The following CC2D2A variants were observed in gnomAD, a reference collection of about 807,000 sequenced individuals.
CC2D2A encodes coiled-coil and C2 domain containing 2A.
CC2D2A carries 155 observed loss-of-function variants against 212.9 expected under a neutral mutation model. The ratio of observed to expected loss-of-function variants is 0.73; its 90% CI spans 0.64 to 0.83. The LOEUF (loss-of-function observed/expected upper bound fraction) is 0.83. CC2D2A is among the 40% of genes least tolerant of loss of function. The probability of loss-of-function intolerance (pLI) is 0.00; values close to 1 mark genes in which losing one functional copy is unlikely to be tolerated. For synonymous variants in CC2D2A, 667 were observed against 686.5 expected, an observed-to-expected ratio of 0.97 and a Z score of 0.44; for missense variants, 1,856 against 1,956.2, an observed-to-expected ratio of 0.95 and a Z score of 0.97.
At chr4:15,471,242 A>G (rs576072634) in intron 1 of CC2D2A, among the ~76,000 whole-genome samples, 1 of 152,330 alleles carries the variant, frequency 6.6e-6, no homozygotes, top group East Asian at 1.9e-4. Flanking sequence ...GGTGTGAGGA[A>G]GAAAATACTC....
chr4:15,570,770 C>G (rs565214616), intron 28 of CC2D2A, among the ~76,000 whole-genome samples: 3 of 150,914 alleles, frequency 2.0e-5, no homozygotes, highest in Non-Finnish European at 4.4e-5. Flanking sequence ...GCAGGAGAAT[C>G]GCTTGAACCA....
At chr4:15,579,037 A>G (rs1720535944) in intron 29 of CC2D2A, among the ~76,000 whole-genome samples, 1 of 152,202 alleles carries the variant, frequency 6.6e-6, no homozygotes, top group South Asian at 2.1e-4. Flanking sequence ...AAAAAATTTA[A>G]AAATATTTAA....
chr4:15,529,435 A>G (rs1310075752), intron 13 of CC2D2A, among the ~76,000 whole-genome samples: 2 of 152,122 alleles, frequency 1.3e-5, no homozygotes, highest in Non-Finnish European at 2.9e-5. Context: ...TAGCAGAGTA[A>G]ACCCATCTTG....
chr4:15,527,995 G>A (rs1717603741), intron 12 of CC2D2A, among the ~76,000 whole-genome samples: 1 of 152,182 alleles, frequency 6.6e-6, no homozygotes, highest in African/African-American at 2.4e-5. Flanking sequence ...GAGAATATCT[G>A]TCCTTAGAAA....
At chr4:15,489,168 G>A (rs148089767) in intron 4 of CC2D2A, among the ~76,000 whole-genome samples, 1 of 152,324 alleles carries the variant, frequency 6.6e-6, no homozygotes, top group Non-Finnish European at 1.5e-5. Context: ...GGAAAAGAAA[G>A]TTCAGAATCG....
At chr4:15,519,624 A>C (rs1020054086) in intron 11 of CC2D2A, 6 of 432,280 alleles carry the variant, frequency 1.4e-5, no homozygotes, top group Non-Finnish European at 2.8e-5. Context: ...ACAGTTCCAC[A>C]TGGCTGGGGA....
intron 17 of CC2D2A, 98 bp from the exon 18 acceptor site, chr4:15,550,726 A>C (rs1718952446): frequency 2.3e-6 from 2 of 851,828 alleles, no homozygotes; most frequent in Non-Finnish European, 3.4e-6. Context: ...GGGCTGGAAC[A>C]GTGACCAGCA....
chr4:15,569,413 ACACTTG>A (rs771545327), intron 27 of CC2D2A, 24 bp downstream of exon 27: 9 of 1,345,170 alleles, frequency 6.7e-6, no homozygotes, highest in Admixed American at 2.0e-5. Flanking sequence ...TTTAAGAAAG[ACACTTG>A]TATTCACTTT....
chr4:15,555,981 AT>A (rs914289793), intron 20 of CC2D2A, among the ~76,000 whole-genome samples: 2 of 152,200 alleles, frequency 1.3e-5, no homozygotes, highest in African/African-American at 4.8e-5. Context: ...CTGATGGGGC[AT>A]TTTAGGGAAA....
intron 11 of CC2D2A, among the ~76,000 whole-genome samples, chr4:15,525,812 G>A (rs1338072563): frequency 6.6e-6 from 1 of 152,162 alleles, no homozygotes; most frequent in African/African-American, 2.4e-5. Context: ...GTGGTCTTTT[G>A]GGCAGTCTAG....
intron 33 of CC2D2A, among the ~76,000 whole-genome samples, chr4:15,592,897 C>T (rs1290222182): frequency 2.0e-5 from 3 of 152,290 alleles, no homozygotes; most frequent in East Asian, 3.9e-4. Flanking sequence ...CTTCCTATTT[C>T]TATCAATATC....
Position 15,570,411 on chromosome 4 carries a change from G to A in CC2D2A, c.3509G>A (p.Arg1170Lys), listed in dbSNP as rs61734948. ...LHDVLEDDRE[R>K]GSGIHTRIER... The stretch of plus-strand genomic sequence containing the variant: ...CCCTTCCTTTAGGATGACCGTGAAA[G>A]AGGAAGTGGAATCCATACTCGTATT... The change falls in exon 28 of 37, where the codon AGA becomes AAA. Residue 1170 changes from arginine to lysine, a missense_variant. Arg to Lys is a conservative substitution (Grantham distance 26, BLOSUM62 2). Around this residue, in one of 5 missense-constraint regions of CC2D2A, gnomAD observed 1,512 missense variants for 1,579.3 expected, o/e 0.96. Coordinates refer to ENST00000424120, the MANE Select transcript of CC2D2A (RefSeq NM_001378615.1). 1.2e-3 allele frequency: 1,852 copies of A among 1,599,478 alleles called. 25 individuals are homozygous for A. The African/African-American group carries it at 0.022, about 19-fold the overall frequency.
In CC2D2A at chr4:15,488,430, C is replaced by T. The variant is rs1577318608; in HGVS notation, c.247+7603C>T. Among the ~76,000 whole-genome samples the T allele has an allele frequency of 4.6e-5, 7 of 152,312 alleles. No homozygotes were observed. The South Asian group carries it at 1.4e-3, about 32-fold the overall frequency. On this transcript the variant is annotated intron_variant, in intron 4 of 36. Coordinates refer to ENST00000424120, the MANE Select transcript of CC2D2A (RefSeq NM_001378615.1). ...ACCTATAAGGTTTCCACTGAGAAGT[C>T]TGCTGCCAGATGAATCAGAGCTACT...
intron 32 of CC2D2A, among the ~76,000 whole-genome samples, chr4:15,588,579 A>C (rs1417409611): frequency 6.6e-6 from 1 of 152,226 alleles, no homozygotes; most frequent in Non-Finnish European, 1.5e-5. Flanking sequence ...GGCTCTAGGA[A>C]TCCTTGGAAA....
At chr4:15,555,417 G>T (rs914541571) in intron 20 of CC2D2A, among the ~76,000 whole-genome samples, 6 of 152,110 alleles carry the variant, frequency 3.9e-5, no homozygotes, top group African/African-American at 4.8e-5. Flanking sequence ...TCATAGCGGG[G>T]TCATGAGGAA....
At chr4:15,574,891 C>G (rs1253613134) in intron 29 of CC2D2A, among the ~76,000 whole-genome samples, 2 of 152,196 alleles carry the variant, frequency 1.3e-5, no homozygotes, top group Non-Finnish European at 2.9e-5. Context: ...AGCAACTGTC[C>G]CTGAACCTTC....
chr4:15,558,647 G>A (rs1253984381), intron 21 of CC2D2A, among the ~76,000 whole-genome samples: 1 of 152,010 alleles, frequency 6.6e-6, no homozygotes, highest in Non-Finnish European at 1.5e-5. Flanking sequence ...GCATTCAACT[G>A]TGACCAAAGA....
At chr4:15,559,127 G>C (rs35309200) in intron 21 of CC2D2A, 38 bp from the exon 22 acceptor site, 1 of 1,191,658 alleles carries the variant, frequency 8.4e-7, no homozygotes, top group Non-Finnish European at 1.2e-6. Flanking sequence ...AAAAGCACCA[G>C]AGAGTGCTTT....
rs751961448 is a variant in CC2D2A, at chr4:15,583,811, C to T, written c.3976-2346C>T. Among the ~76,000 whole-genome samples the T allele has an allele frequency of 4.6e-5, 7 of 151,976 alleles. No individual in the cohort carries two copies. In the South Asian group the frequency reaches 8.3e-4, roughly 18 times the overall value. On this transcript the variant is annotated intron_variant, in intron 30 of 36. Coordinates refer to ENST00000424120, the MANE Select transcript of CC2D2A (RefSeq NM_001378615.1). ...AAAAATACAAAAAAAGTTAGCCGGG[C>T]GTGGTGGCGGGCACCTGTAGTCCCA... is the stretch of plus-strand genomic sequence containing the variant.
Sources: allele counts gnomAD v4.1 joint callset (sites outside exome capture counted in the v4.1 genomes callset), GRCh38; gene constraint gnomAD v4.1.1; regional missense constraint gnomAD v4.1.1; transcripts MANE v1.5; gene names NCBI Gene and HGNC (gene_info 2026-07-23, HGNC 2026-07-21).